The following ESRRG variants were observed in gnomAD, a reference collection of about 807,000 sequenced individuals.
ESRRG encodes estrogen-related receptor gamma.
ESRRG carries 13 observed loss-of-function variants against 44.0 expected under a neutral mutation model. The observed-to-expected ratio is 0.30, with a 90% CI of 0.19 to 0.47. ESRRG has a LOEUF of 0.47. Ranked by LOEUF, ESRRG falls within the 20% of genes least tolerant of loss-of-function variation. The pLI, the probability that ESRRG is intolerant of heterozygous loss-of-function variation, is 1.00. For missense variants in ESRRG, 395 were observed against 580.6 expected, an observed-to-expected ratio of 0.68 and a Z score of 3.29; for synonymous variants, 215 against 214.6, an observed-to-expected ratio of 1.00 and a Z score of -0.02.
intron 2 of ESRRG, among the ~76,000 whole-genome samples, chr1:216,664,770 GTAATATAAAATTGTACTGCCGCTCTAGAA>G (rs2073479841): frequency 6.6e-6 from 1 of 151,552 alleles, no homozygotes; most frequent in Admixed American, 6.6e-5. Flanking sequence ...TCTGTTGATG[GTAATATAAAATTGTACTGCCGCTCTAGAA>G]AACAGTACGG....
At chr1:216,585,376 T>C (rs901570997) in intron 3 of ESRRG, among the ~76,000 whole-genome samples, 1 of 152,194 alleles carries the variant, frequency 6.6e-6, no homozygotes, top group Non-Finnish European at 1.5e-5. Context: ...CTGCAGTCTC[T>C]AAGTTTGACT....
At chr1:216,534,199 T>C (rs1382338249) in intron 5 of ESRRG, among the ~76,000 whole-genome samples, 4 of 152,132 alleles carry the variant, frequency 2.6e-5, no homozygotes, top group Non-Finnish European at 4.4e-5. Context: ...TCTCGCTCAT[T>C]CACTCCAGAA....
At chr1:217,109,681 C>T (rs1306355162) in intron 1 of ESRRG, among the ~76,000 whole-genome samples, 1 of 152,154 alleles carries the variant, frequency 6.6e-6, no homozygotes, top group South Asian at 2.1e-4. Flanking sequence ...ACCTGCCCCA[C>T]CTGCTCTCCT....
At chr1:216,804,642 CT>C (rs879796338) in intron 2 of ESRRG, among the ~76,000 whole-genome samples, 106 of 146,982 alleles carry the variant, frequency 7.2e-4, no homozygotes, top group Middle Eastern at 3.6e-3. Flanking sequence ...ACACCACACA[CT>C]TTTTTTTTTT....
chr1:216,772,361 C>A (rs1296547528), intron 2 of ESRRG, among the ~76,000 whole-genome samples: 2 of 152,076 alleles, frequency 1.3e-5, no homozygotes, highest in African/African-American at 2.4e-5. Flanking sequence ...ACTCTAACAT[C>A]CCAGAATTCA....
At chr1:217,017,702 C>T (rs2150877415) in intron 1 of ESRRG, among the ~76,000 whole-genome samples, 1 of 152,106 alleles carries the variant, frequency 6.6e-6, no homozygotes, top group East Asian at 1.9e-4. Flanking sequence ...ATATCTACGC[C>T]ATAGGATTTC....
At chr1:217,057,530 T>C (rs1279330779) in intron 1 of ESRRG, among the ~76,000 whole-genome samples, 1 of 152,008 alleles carries the variant, frequency 6.6e-6, no homozygotes, top group African/African-American at 2.4e-5. Context: ...ACCATCTGAT[T>C]AGAAAAGCTC....
At chr1:216,529,326 TG>T (rs2048594065) in intron 5 of ESRRG, among the ~76,000 whole-genome samples, 1 of 152,210 alleles carries the variant, frequency 6.6e-6, no homozygotes, top group Non-Finnish European at 1.5e-5. Flanking sequence ...CATTTATGGC[TG>T]GCTGAGAGTT....
At chr1:216,986,482 G>A (rs921779960) in intron 1 of ESRRG, among the ~76,000 whole-genome samples, 14 of 152,054 alleles carry the variant, frequency 9.2e-5, no homozygotes, top group Admixed American at 6.6e-5. Flanking sequence ...GGGAGGCGAA[G>A]GTGGGCAGAT....
At chr1:217,019,724 C>T (rs969624401) in intron 1 of ESRRG, among the ~76,000 whole-genome samples, 2 of 152,118 alleles carry the variant, frequency 1.3e-5, no homozygotes, top group Non-Finnish European at 2.9e-5. Flanking sequence ...AACCAGGTTT[C>T]TTTTTACATT....
chr1:217,074,828 A>G (rs2091075674), intron 1 of ESRRG, among the ~76,000 whole-genome samples: 1 of 152,196 alleles, frequency 6.6e-6, no homozygotes, highest in Non-Finnish European at 1.5e-5. Context: ...ATGAATCACC[A>G]TCTCCCAAGT....
chr1:216,877,296 C>T (rs2096370463), intron 2 of ESRRG, among the ~76,000 whole-genome samples: 1 of 152,002 alleles, frequency 6.6e-6, no homozygotes, highest in Non-Finnish European at 1.5e-5. Flanking sequence ...GTTCTCATTC[C>T]CCTCCCACAA....
intron 1 of ESRRG, among the ~76,000 whole-genome samples, chr1:217,037,653 T>C (rs373256118): frequency 6.6e-6 from 1 of 151,876 alleles, no homozygotes; most frequent in South Asian, 2.1e-4. Context: ...TCAAAACCAA[T>C]CACGCCATCC....
chr1:217,129,043 T>TAA (rs376026047), intron 1 of ESRRG, among the ~76,000 whole-genome samples: 1 of 151,972 alleles, frequency 6.6e-6, no homozygotes, highest in South Asian at 2.1e-4. Context: ...AACAAAGTGT[T>TAA]AAAAAAACCC....
chr1:216,522,553 GC>G (rs550561168), intron 5 of ESRRG, among the ~76,000 whole-genome samples: 91 of 152,138 alleles, frequency 6.0e-4, no homozygotes, highest in African/African-American at 2.0e-3. Flanking sequence ...CTGCCCAAAT[GC>G]CTGAGCAGCA....
chr1:216,671,294 C>G (rs139770712), intron 2 of ESRRG, among the ~76,000 whole-genome samples: 76 of 152,282 alleles, frequency 5.0e-4, no homozygotes, highest in African/African-American at 1.8e-3. Flanking sequence ...TATAACTAAA[C>G]AAATTTCCAG....
intron 2 of ESRRG, among the ~76,000 whole-genome samples, chr1:216,891,121 A>G (rs545971711): frequency 2.2e-4 from 34 of 152,296 alleles, no homozygotes; most frequent in African/African-American, 7.7e-4. Flanking sequence ...TTTTATGCCT[A>G]TATGTATGGT....
Position 216,519,309 on chromosome 1 carries a change from G to C in ESRRG, c.975C>G (p.Val325=). The C allele has an allele frequency of 6.2e-7, 1 of 1,613,808 alleles. No homozygotes were observed. The highest frequency in any genetic ancestry group is 1.1e-5 in the South Asian group (1 of 91,078). ...YRSLSFEDEL[V]YADDYIMDED... ...CGTCCATTATATAATCGTCTGCATA[G>C]ACAAGTTCATCCTCAAACGAAAGAG... is the stretch of plus-strand genomic sequence containing the variant. The change falls in exon 6 of 7, where the codon GTC becomes GTG. Residue 325 remains valine, a synonymous_variant. Coordinates refer to ENST00000408911, the MANE Select transcript of ESRRG (RefSeq NM_001438.4).
At position 216,856,943 on chromosome 1, in the gene ESRRG, G is replaced by A. The variant is rs114190310; in HGVS notation, c.-14+82639C>T. Reference sequence around the variant, plus strand: ...TAAAAATAAATTCCAGTTGACAGCCGACACCTTATTAAGGCCCACTAAAAT... The same window carrying A: ...TAAAAATAAATTCCAGTTGACAGCCAACACCTTATTAAGGCCCACTAAAAT... On this transcript the variant is annotated intron_variant, in intron 2 of 7. Transcript: ENST00000359162. 9.5e-3 allele frequency among the ~76,000 whole-genome samples: 1,449 copies of A among 152,058 alleles called. 18 individuals are homozygous for A. Among genetic ancestry groups the A allele is most frequent in the African/African-American group, 0.033 (1,371 of 41,450 alleles).
Sources: gnomAD v4.1 joint callset for allele counts (sites outside exome capture counted in the v4.1 genomes callset) on GRCh38, gnomAD v4.1.1 for gene constraint, MANE v1.5 for transcripts, NCBI Gene and HGNC (gene_info 2026-07-23, HGNC 2026-07-21) for gene names.